The following DPP6 variants were observed in gnomAD, a reference collection of about 807,000 sequenced individuals.
The protein encoded by DPP6 is dipeptidyl peptidase like 6.
Under a neutral mutation model 122.6 loss-of-function variants are expected in DPP6, and 69 were observed. The ratio of observed to expected loss-of-function variants is 0.56; its 90% CI spans 0.46 to 0.69. The LOEUF (loss-of-function observed/expected upper bound fraction) is 0.69, where lower values mean the gene tolerates loss of function less well. Among genes scored for constraint, DPP6 ranks in the 30% least tolerant of loss-of-function variants. The pLI, the probability that DPP6 is intolerant of heterozygous loss-of-function variation, is 0.00. For synonymous variants in DPP6, 418 were observed against 433.1 expected (o/e 0.97, Z 0.43); for missense variants, 928 against 1,116.9 (o/e 0.83, Z 2.41).
chr7:154,106,108 ACT>A (rs1346230468), intron 1 of DPP6, among the ~76,000 whole-genome samples: 1 of 151,814 alleles, frequency 6.6e-6, no homozygotes, highest in South Asian at 2.1e-4. Context: ...GGGGTGGCAG[ACT>A]CTGCCTATGC....
chr7:154,488,670 G>A (rs1201597926), intron 3 of DPP6, among the ~76,000 whole-genome samples: 1 of 151,470 alleles, frequency 6.6e-6, no homozygotes, highest in African/African-American at 2.4e-5. Context: ...TTAGCATCCC[G>A]TGAAAGACAG....
chr7:153,910,759 C>A (rs976400964), intron 1 of DPP6, among the ~76,000 whole-genome samples: 42 of 152,168 alleles, frequency 2.8e-4, no homozygotes, highest in Non-Finnish European at 7.3e-5. Flanking sequence ...TCCTAATATT[C>A]AGGCTCTGAA....
intron 1 of DPP6, among the ~76,000 whole-genome samples, chr7:154,156,780 G>A (rs551539574): frequency 9.2e-5 from 14 of 152,286 alleles, no homozygotes; most frequent in African/African-American, 3.4e-4. Context: ...TAGGTAGGTA[G>A]GTAGGTAGGT....
chr7:154,305,654 A>G, intron 1 of DPP6: 1 of 1,469,902 alleles, frequency 6.8e-7, no homozygotes. Flanking sequence ...GAGGATATGT[A>G]TTTGGGGAAG....
At chr7:153,804,814 G>A in the DPP6 span, among the ~76,000 whole-genome samples, 1 of 152,032 alleles carries the variant, frequency 6.6e-6, no homozygotes, top group African/African-American at 2.4e-5. Flanking sequence ...AACCCTGGAG[G>A]CAGAGGTTGC....
chr7:154,827,797 G>A (rs1337603316), intron 16 of DPP6, among the ~76,000 whole-genome samples: 1 of 150,464 alleles, frequency 6.6e-6, no homozygotes, highest in East Asian at 2.0e-4. Flanking sequence ...TCCTGTGGGG[G>A]GGTGTCAGAT....
At chr7:154,577,410 G>A (rs1831754379) in intron 5 of DPP6, among the ~76,000 whole-genome samples, 1 of 152,166 alleles carries the variant, frequency 6.6e-6, no homozygotes, top group African/African-American at 2.4e-5. Context: ...TGATCAAAGG[G>A]CAGATGTTTC....
intron 6 of DPP6, among the ~76,000 whole-genome samples, chr7:154,661,892 A>G (rs1438582077): frequency 2.5e-4 from 37 of 149,858 alleles, no homozygotes; most frequent in Admixed American, 4.6e-4. Flanking sequence ...ACCATGGCAT[A>G]TTGGCCGTAG....
At chr7:154,781,031 T>C (rs866372571) in intron 10 of DPP6, among the ~76,000 whole-genome samples, 1 of 151,870 alleles carries the variant, frequency 6.6e-6, no homozygotes, top group Non-Finnish European at 1.5e-5. Flanking sequence ...GACGGATAGA[T>C]GGATGATGAA....
At chr7:154,801,579 T>C (rs182100422) in intron 13 of DPP6, 117 bp downstream of exon 13, 1 of 1,401,404 alleles carries the variant, frequency 7.1e-7, no homozygotes, top group African/African-American at 1.4e-5. Flanking sequence ...AATCTGAAGG[T>C]GGTTCCCGAA....
chr7:153,865,326 A>G, the DPP6 span, among the ~76,000 whole-genome samples: 1 of 152,142 alleles, frequency 6.6e-6, no homozygotes, highest in East Asian at 1.9e-4. Flanking sequence ...TTTTGTTGAT[A>G]TTGTTAGGTT....
chr7:154,196,361 A>G (rs1485923137), intron 1 of DPP6, among the ~76,000 whole-genome samples: 1 of 152,168 alleles, frequency 6.6e-6, no homozygotes, highest in East Asian at 1.9e-4. Context: ...ACGTTGGTTC[A>G]CACCTGTAAT....
the DPP6 span, among the ~76,000 whole-genome samples, chr7:153,831,325 T>C: frequency 3.9e-5 from 6 of 152,172 alleles, no homozygotes; most frequent in South Asian, 8.3e-4. Context: ...CTATGACCTA[T>C]AAAGAAGAGG....
chr7:154,841,131 A>G (rs147125081), intron 16 of DPP6, among the ~76,000 whole-genome samples: 146 of 152,348 alleles, frequency 9.6e-4, no homozygotes, highest in African/African-American at 3.5e-3. Flanking sequence ...GCTCAGTGCT[A>G]TGACAATCTG....
At chr7:154,787,908 A>G (rs1363254868) in intron 10 of DPP6, among the ~76,000 whole-genome samples, 2 of 151,898 alleles carry the variant, frequency 1.3e-5, no homozygotes. Flanking sequence ...TAATGCTGCT[A>G]TGTTTTGTTT....
intron 1 of DPP6, among the ~76,000 whole-genome samples, chr7:154,355,293 T>A (rs992472357): frequency 5.3e-5 from 8 of 152,262 alleles, no homozygotes; most frequent in African/African-American, 1.9e-4. Flanking sequence ...CTTCATCAGA[T>A]ACATTATTGC....
At chr7:153,932,366 C>T (rs1200589890) in intron 1 of DPP6, among the ~76,000 whole-genome samples, 1 of 152,014 alleles carries the variant, frequency 6.6e-6, no homozygotes, top group Admixed American at 6.6e-5. Flanking sequence ...GGTGATCTAC[C>T]CACTCCTCGG....
intron 16 of DPP6, among the ~76,000 whole-genome samples, chr7:154,822,112 C>T (rs1053054591): frequency 3.9e-5 from 6 of 152,032 alleles, no homozygotes; most frequent in Admixed American, 1.3e-4. Context: ...GCATTTTTTG[C>T]CTTTACGCCG....
At chr7:154,369,734 T>C (rs868775378) in intron 1 of DPP6, among the ~76,000 whole-genome samples, 18 of 152,326 alleles carry the variant, frequency 1.2e-4, no homozygotes, top group African/African-American at 3.4e-4. Flanking sequence ...GCCCTTGGCC[T>C]GCTATTTCCC....
Sources: allele counts gnomAD v4.1 joint callset (sites outside exome capture counted in the v4.1 genomes callset), GRCh38; gene constraint gnomAD v4.1.1; transcripts MANE v1.5; gene names NCBI Gene and HGNC (gene_info 2026-07-23, HGNC 2026-07-21).